Variants in WHRN observed in about 807,000 individuals in gnomAD.
The protein encoded by WHRN is whirlin.
A neutral mutation model predicts 68.3 loss-of-function variants in WHRN; 41 were observed. The ratio of observed to expected loss-of-function variants is 0.60; its 90% CI spans 0.47 to 0.78. WHRN has a LOEUF of 0.78. Among genes scored for constraint, WHRN ranks in the 30% least tolerant of loss-of-function variants. The probability of loss-of-function intolerance (pLI) is 0.00; values close to 1 mark genes in which losing one functional copy is unlikely to be tolerated. For missense variants in WHRN, 1,243 were observed against 1,244.7 expected, an observed-to-expected ratio of 1.00 and a Z score of 0.02; for synonymous variants, 560 against 561.3, an observed-to-expected ratio of 1.00 and a Z score of 0.03.
At chr9:114,433,025 A>G (rs1057179969) in intron 3 of WHRN, among the ~76,000 whole-genome samples, 2 of 152,154 alleles carry the variant, frequency 1.3e-5, no homozygotes, top group Non-Finnish European at 2.9e-5. Context: ...ATCCCATTTT[A>G]CAGATGAGGA....
chr9:114,432,918 C>T lies in WHRN; in HGVS notation c.964-6505G>A, dbSNP rs116519742. Among the ~76,000 whole-genome samples the T allele has an allele frequency of 3.6e-3, 554 of 152,324 alleles. 1 individual carries two copies. The highest frequency in any genetic ancestry group is 0.013 in the African/African-American group (531 of 41,584). ...ATTCTACCTCCAGGGTGTCTCTCAGCGCCACCCTCTACCTTTCCACCTACC... is the reference window on the plus strand; with the variant it reads ...ATTCTACCTCCAGGGTGTCTCTCAGTGCCACCCTCTACCTTTCCACCTACC... On this transcript the variant is annotated intron_variant, in intron 3 of 11. Coordinates refer to ENST00000362057, the MANE Select transcript of WHRN (RefSeq NM_015404.4).
At chr9:114,403,119 T>C (rs1221010893) in intron 11 of WHRN, 98 bp downstream of exon 11, 3 of 1,580,956 alleles carry the variant, frequency 1.9e-6, no homozygotes, top group Non-Finnish European at 2.6e-6. Flanking sequence ...TGCCCTTGAG[T>C]GCCGTGTTAC....
At chr9:114,466,486 C>A in intron 2 of WHRN, 94 bp from the exon 3 acceptor site, 1 of 1,566,786 alleles carries the variant, frequency 6.4e-7, no homozygotes, top group Non-Finnish European at 8.7e-7. Flanking sequence ...CTTTGAAGAG[C>A]GCATCTTATC....
At chr9:114,463,721 G>T (rs940853220) in intron 3 of WHRN, among the ~76,000 whole-genome samples, 1 of 152,090 alleles carries the variant, frequency 6.6e-6, no homozygotes, top group Non-Finnish European at 1.5e-5. Context: ...ATTCCATACA[G>T]AATATTATCA....
chr9:114,430,351 T>C (rs1333873191), intron 3 of WHRN, among the ~76,000 whole-genome samples: 1 of 152,248 alleles, frequency 6.6e-6, no homozygotes, highest in South Asian at 2.1e-4. Flanking sequence ...AAATATTGCA[T>C]AGGGCATATA....
chr9:114,454,283 A>G (rs1589168277), intron 3 of WHRN, among the ~76,000 whole-genome samples: 1 of 152,136 alleles, frequency 6.6e-6, no homozygotes, highest in Non-Finnish European at 1.5e-5. Context: ...AAGAAAAAGA[A>G]ATAAAAGGCA....
At chr9:114,409,359 T>C (rs1345401111) in intron 7 of WHRN, among the ~76,000 whole-genome samples, 1 of 152,052 alleles carries the variant, frequency 6.6e-6, no homozygotes, top group Non-Finnish European at 1.5e-5. Context: ...AGGCATATAA[T>C]GCAATCGGGG....
intron 1 of WHRN, among the ~76,000 whole-genome samples, chr9:114,501,660 ATTG>A (rs1843941908): frequency 6.6e-6 from 1 of 152,062 alleles, no homozygotes; most frequent in Non-Finnish European, 1.5e-5. Flanking sequence ...GAAAAAAAAT[ATTG>A]TTAAGACTGA....
chr9:114,499,245 C>G (rs559760584), intron 1 of WHRN, among the ~76,000 whole-genome samples: 40 of 152,306 alleles, frequency 2.6e-4, no homozygotes, highest in African/African-American at 9.1e-4. Context: ...TCTCTGCACC[C>G]TTTCCGCTTG....
chr9:114,469,709 C>T (rs192397466), intron 2 of WHRN, among the ~76,000 whole-genome samples: 1 of 152,356 alleles, frequency 6.6e-6, no homozygotes, highest in Non-Finnish European at 1.5e-5. Context: ...CAGTGTTGAC[C>T]CCAGGGCACT....
At chr9:114,424,893 G>C (rs1212329279) in intron 5 of WHRN, 95 bp downstream of exon 5, 5 of 1,331,584 alleles carry the variant, frequency 3.8e-6, no homozygotes, top group Non-Finnish European at 5.4e-6. Flanking sequence ...GTTGGAATGA[G>C]GTAGTGTAAG....
chr9:114,457,357 G>C (rs967940811), intron 3 of WHRN, among the ~76,000 whole-genome samples: 1 of 152,144 alleles, frequency 6.6e-6, no homozygotes, highest in Admixed American at 6.5e-5. Context: ...CATATCAAAT[G>C]TGCACAGAAG....
chr9:114,501,518 G>C (rs1023179559), intron 1 of WHRN, among the ~76,000 whole-genome samples: 2 of 150,112 alleles, frequency 1.3e-5, no homozygotes, highest in South Asian at 2.1e-4. Flanking sequence ...TAGGTAACTT[G>C]ATTCCTAAAA....
intron 1 of WHRN, among the ~76,000 whole-genome samples, chr9:114,494,855 A>G (rs1207557107): frequency 7.9e-6 from 1 of 127,126 alleles, no homozygotes; most frequent in Non-Finnish European, 1.9e-5. Context: ...TCATACAATG[A>G]GCAACAAAGA....
intron 1 of WHRN, among the ~76,000 whole-genome samples, chr9:114,488,328 G>A (rs982649161): frequency 6.6e-6 from 1 of 152,170 alleles, no homozygotes; most frequent in African/African-American, 2.4e-5. Flanking sequence ...ATTAGTAACA[G>A]CAAAATTACA....
At chr9:114,501,680 ATCT>A (rs1237698030) in intron 1 of WHRN, among the ~76,000 whole-genome samples, 1 of 152,156 alleles carries the variant, frequency 6.6e-6, no homozygotes, top group Non-Finnish European at 1.5e-5. Context: ...CTGAAAACAC[ATCT>A]TCTACTAAAT....
At chr9:114,456,783 C>T (rs572300579) in intron 3 of WHRN, among the ~76,000 whole-genome samples, 2 of 149,508 alleles carry the variant, frequency 1.3e-5, no homozygotes, top group East Asian at 2.0e-4. Flanking sequence ...GAGCCGAGAT[C>T]GTGTCACTGC....
At chr9:114,477,914 T>G (rs986420301) in intron 2 of WHRN, among the ~76,000 whole-genome samples, 1 of 152,100 alleles carries the variant, frequency 6.6e-6, no homozygotes, top group Non-Finnish European at 1.5e-5. Flanking sequence ...TTGGTGATCT[T>G]GAAATTAAAG....
In WHRN at chr9:114,415,618, G is replaced by A. The variant is rs554719320; in HGVS notation, c.1627-7600C>T. Among the ~76,000 whole-genome samples the A allele has an allele frequency of 3.3e-5, 5 of 152,272 alleles. No individual in the cohort carries two copies. In the South Asian group the frequency reaches 1.0e-3, roughly 32 times the overall value. On this transcript the variant is annotated intron_variant, in intron 7 of 11. Transcript: ENST00000362057. Reference sequence around the variant, plus strand: ...ATGTTCTCACACCACCCTTCAGCCCGCTTTATCAGAGTGTGAGTTATGGAG... The same window carrying A: ...ATGTTCTCACACCACCCTTCAGCCCACTTTATCAGAGTGTGAGTTATGGAG...
Sources: allele counts gnomAD v4.1 joint callset (sites outside exome capture counted in the v4.1 genomes callset), GRCh38; gene constraint gnomAD v4.1.1; transcripts MANE v1.5; gene names NCBI Gene and HGNC (gene_info 2026-07-23, HGNC 2026-07-21).